Variants in SERPINA9 observed in about 807,000 individuals in gnomAD.
SERPINA9 encodes the protein serpin family A member 9.
A neutral mutation model predicts 24.5 loss-of-function variants in SERPINA9; 32 were observed. That is an observed-to-expected ratio of 1.30 (90% confidence interval 0.98 to 1.75). The LOEUF is 1.75. Ranked by LOEUF, SERPINA9 falls within the 40% of genes most tolerant of loss-of-function variation. SERPINA9 has a pLI of 0.00. For missense variants in SERPINA9, 594 were observed against 497.1 expected, an observed-to-expected ratio of 1.19 and a Z score of -1.85; for synonymous variants, 233 against 197.7, an observed-to-expected ratio of 1.18 and a Z score of -1.50.
In SERPINA9 at chr14:94,463,050, T is replaced by C; in HGVS notation, c.*43A>G. The C allele has an allele frequency of 6.8e-7, 1 of 1,479,108 alleles. No homozygotes were observed. The highest frequency in any genetic ancestry group is 9.5e-7 in the Non-Finnish European group (1 of 1,056,826). 91.6% of individuals were successfully genotyped at this position (1,479,108 alleles called of 1,614,324 possible). ...AAGAGGGATGTGGTTTGTTATTTCT[T>C]GTGCATTAGCAATGTGCCATCAGTT... On this transcript the variant is annotated 3_prime_UTR_variant, in exon 5 of 5. Coordinates refer to ENST00000674397, the MANE Select transcript of SERPINA9 (RefSeq NM_175739.4).
chr14:94,469,549 G>A lies in SERPINA9; in HGVS notation c.292C>T (p.Leu98=), dbSNP rs745486048. 10 of 1,614,070 alleles carry A rather than the reference G, an allele frequency of 6.2e-6. No homozygotes were observed. In the African/African-American group the frequency reaches 1.1e-4, roughly 17 times the overall value. Residue 98 remains leucine (L), a synonymous_variant, in exon 2 of 5, where the codon CTG becomes TTG. Coordinates refer to ENST00000674397, the MANE Select transcript of SERPINA9 (RefSeq NM_175739.4). ...SVTKTQILQG[L]GFNLTHTPES... ...GGTGTGTGTGTGAGGTTGAAGCCCA[G>A]GCCCTGGAGAATCTGGGTCTTGGTG...
At position 94,469,814 on chromosome 14, in the gene SERPINA9, G is replaced by C; in HGVS notation, c.27C>G (p.Leu9=). 6.6e-7 allele frequency: 1 copy of C among 1,520,580 alleles called. No individual in the cohort carries two copies. Among genetic ancestry groups the C allele is most frequent in the Non-Finnish European group, 8.8e-7 (1 of 1,135,472 alleles). The allele number at this position is 1,520,580 out of a possible 1,614,324, so 94.2% of individuals were successfully genotyped here. Reference sequence around the variant, plus strand: ...TTGGAGCACAGAGGCCAACAGCAAAGAGTACTCCATAAAGGTAAGATGCCA... The same window carrying C: ...TTGGAGCACAGAGGCCAACAGCAAACAGTACTCCATAAAGGTAAGATGCCA... MASYLYGV[L]FAVGLCAPIY... Residue 9 remains leucine (L), a synonymous_variant, in exon 2 of 5, where the codon CTC becomes CTG. Coordinates refer to ENST00000674397, the MANE Select transcript of SERPINA9 (RefSeq NM_175739.4).
At chr14:94,469,891 A>T (rs1404447238) in intron 1 of SERPINA9, 34 bp from the exon 2 acceptor site, 7 of 1,489,460 alleles carry the variant, frequency 4.7e-6, no homozygotes, top group Non-Finnish European at 6.3e-6. Context: ...GAGGGGGTAA[A>T]CTGAGGGTCC....
At chr14:94,473,758 G>A (rs1489597479) in intron 1 of SERPINA9, among the ~76,000 whole-genome samples, 1 of 152,166 alleles carries the variant, frequency 6.6e-6, no homozygotes, top group East Asian at 1.9e-4. Flanking sequence ...TGGTGAAGTG[G>A]CAGCACTTGA....
chr14:94,464,859 G>A lies in SERPINA9; in HGVS notation c.903-5C>T. ...GGGATGAACACCTCTATCCACCTGT[G>A]GAGTAGGGAAAAGGAAACAATGAGG... On this transcript the variant is annotated splice_region_variant and splice_polypyrimidine_tract_variant and intron_variant, in intron 3 of 4. Coordinates refer to ENST00000674397, the MANE Select transcript of SERPINA9 (RefSeq NM_175739.4). The A allele has an allele frequency of 1.9e-6, 3 of 1,608,426 alleles. No individual in the cohort carries two copies. The highest frequency in any genetic ancestry group is 2.5e-6 in the Non-Finnish European group (3 of 1,177,978).
chr14:94,467,006 G>C, intron 3 of SERPINA9, 103 bp downstream of exon 3: 2 of 1,328,006 alleles, frequency 1.5e-6, no homozygotes, highest in South Asian at 1.4e-5. Flanking sequence ...GGTGCTCACT[G>C]TGCAGAAGTG....
chr14:94,469,591 G>C lies in SERPINA9; in HGVS notation c.250C>G (p.Leu84Val), dbSNP rs751390983. The change falls in exon 2 of 5, where the codon CTT becomes GTT. Residue 84 changes from leucine to valine, a missense_variant. Physicochemically the swap from Leu to Val is conservative, Grantham distance 32. Coordinates refer to ENST00000674397, the MANE Select transcript of SERPINA9 (RefSeq NM_175739.4). ...SVSTSLAMLS[L>V]GAHSVTKTQI... is the part of the protein sequence containing the mutation. The stretch of plus-strand genomic sequence containing the variant: ...GTCTTGGTGACTGAGTGGGCCCCAA[G>C]GGAGAGCATGGCCAGGGAAGTGGAG... 1 of 1,614,182 alleles carries C rather than the reference G, an allele frequency of 6.2e-7. No individual in the cohort carries two copies. Among genetic ancestry groups the C allele is most frequent in the East Asian group, 2.2e-5 (1 of 44,878 alleles).
chr14:94,466,657 G>A (rs1027955957), intron 3 of SERPINA9, among the ~76,000 whole-genome samples: 6 of 152,060 alleles, frequency 3.9e-5, no homozygotes, highest in Non-Finnish European at 5.9e-5. Flanking sequence ...TATCTTCTAG[G>A]AATTCTTCTA....
intron 2 of SERPINA9, among the ~76,000 whole-genome samples, chr14:94,468,270 A>T (rs1050654738): frequency 6.6e-6 from 1 of 152,150 alleles, no homozygotes; most frequent in Non-Finnish European, 1.5e-5. Flanking sequence ...AGATGGATAG[A>T]TGAATACGTT....
chr14:94,467,469 G>C, intron 2 of SERPINA9, 87 bp from the exon 3 acceptor site: 1 of 1,263,686 alleles, frequency 7.9e-7, no homozygotes, highest in Middle Eastern at 2.0e-4. Flanking sequence ...ATTACTTCTA[G>C]TGGGTATGAG....
At chr14:94,474,534 A>G (rs1289963309) in intron 1 of SERPINA9, among the ~76,000 whole-genome samples, 1 of 152,114 alleles carries the variant, frequency 6.6e-6, no homozygotes, top group African/African-American at 2.4e-5. Context: ...TCTTGGGGGA[A>G]AACCGTGGCC....
chr14:94,464,375 G>GC (rs1566789786), intron 4 of SERPINA9: 2 of 396,082 alleles, frequency 5.0e-6, no homozygotes, highest in Non-Finnish European at 8.9e-6. Flanking sequence ...CCTATGGGCA[G>GC]CCACACTGTG....
At chr14:94,470,908 C>T (rs915355741) in intron 1 of SERPINA9, among the ~76,000 whole-genome samples, 2 of 152,110 alleles carry the variant, frequency 1.3e-5, no homozygotes, top group African/African-American at 2.4e-5. Flanking sequence ...CAACCCTGTG[C>T]GTTGACCCTG....
intron 2 of SERPINA9, 72 bp downstream of exon 2, chr14:94,469,141 T>C: frequency 1.4e-6 from 2 of 1,397,638 alleles, no homozygotes; most frequent in South Asian, 1.3e-5. Flanking sequence ...CTGGCTTGTG[T>C]ATTTCACTAA....
chr14:94,469,146 C>T (rs1003480737), intron 2 of SERPINA9, 67 bp downstream of exon 2: 2 of 1,452,346 alleles, frequency 1.4e-6, no homozygotes, highest in African/African-American at 2.8e-5. Flanking sequence ...TTGTGTATTT[C>T]ACTAAGCAAA....
chr14:94,463,205 C>A lies in SERPINA9; in HGVS notation c.1142G>T (p.Gly381Val), dbSNP rs1898825788. The A allele has an allele frequency of 1.2e-6, 2 of 1,613,970 alleles. No homozygotes were observed. Among genetic ancestry groups the A allele is most frequent in the East Asian group, 4.5e-5 (2 of 44,884 alleles). The change falls in exon 5 of 5, where the codon GGC becomes GTC. Residue 381 changes from glycine (G) to valine (V), a missense_variant. By Grantham distance (109) the Gly-to-Val change is moderately radical (BLOSUM62 -3). Transcript: ENST00000674397. Reference sequence around the variant, plus strand: ...GAAGGAGACAGTGAAGTAAGAGGGGCCATCCTTCGATCGGACTATGAACTT... The same window carrying A: ...GAAGGAGACAGTGAAGTAAGAGGGGACATCCTTCGATCGGACTATGAACTT... ...TTKFIVRSKD[G>V]PSYFTVSFNR...
chr14:94,475,980 C>G (rs773778290), intron 1 of SERPINA9, 156 bp downstream of exon 1: 1 of 1,100,002 alleles, frequency 9.1e-7, no homozygotes, highest in East Asian at 2.4e-5. Flanking sequence ...AAAAATGTGA[C>G]CCAGATGCTA....
chr14:94,471,532 A>G (rs1053402242), intron 1 of SERPINA9, among the ~76,000 whole-genome samples: 4 of 152,192 alleles, frequency 2.6e-5, no homozygotes, highest in African/African-American at 9.7e-5. Flanking sequence ...TTACTGAATG[A>G]GTAATTCTTT....
intron 1 of SERPINA9, among the ~76,000 whole-genome samples, chr14:94,474,858 C>G (rs8006702): frequency 6.6e-6 from 1 of 152,154 alleles, no homozygotes; most frequent in Non-Finnish European, 1.5e-5. Context: ...ACCCTGCAGA[C>G]AGGGTGACCT....
Sources: allele counts gnomAD v4.1 joint callset (sites outside exome capture counted in the v4.1 genomes callset), GRCh38; gene constraint gnomAD v4.1.1; transcripts MANE v1.5; gene names NCBI Gene and HGNC (gene_info 2026-07-23, HGNC 2026-07-21).